The following SHANK2 variants were observed in gnomAD, a reference collection of about 807,000 sequenced individuals.
The protein encoded by SHANK2 is SH3 and multiple ankyrin repeat domains protein 2.
A neutral mutation model predicts 133.7 loss-of-function variants in SHANK2; 43 were observed. The observed-to-expected ratio is 0.32, with a 90% CI of 0.25 to 0.41. The LOEUF (loss-of-function observed/expected upper bound fraction) is 0.41. SHANK2 is among the 10% of genes least tolerant of loss of function. SHANK2 has a pLI of 1.00. For synonymous variants in SHANK2, 1,017 were observed against 952.8 expected (o/e 1.07, Z -1.24); for missense variants, 1,994 against 2,235.8 (o/e 0.89, Z 2.18).
At chr11:70,862,101 C>T (rs1423279602) in intron 11 of SHANK2, among the ~76,000 whole-genome samples, 1 of 152,162 alleles carries the variant, frequency 6.6e-6, no homozygotes, top group Non-Finnish European at 1.5e-5. Context: ...TGACACCTCT[C>T]CCCACGATGC....
chr11:70,946,965 C>G (rs906946647), intron 10 of SHANK2, among the ~76,000 whole-genome samples: 4 of 151,552 alleles, frequency 2.6e-5, no homozygotes, highest in Non-Finnish European at 4.4e-5. Flanking sequence ...GCTCACCCTC[C>G]CTCTCCACTA....
chr11:71,081,900 C>T (rs987128647), intron 8 of SHANK2, among the ~76,000 whole-genome samples: 11 of 152,192 alleles, frequency 7.2e-5, no homozygotes, highest in African/African-American at 2.4e-4. Context: ...GAAGGGCTCC[C>T]GTGCTCTGGT....
intron 17 of SHANK2, among the ~76,000 whole-genome samples, chr11:70,587,859 T>C (rs2060274908): frequency 6.6e-6 from 1 of 152,158 alleles, no homozygotes; most frequent in Non-Finnish European, 1.5e-5. Context: ...TGTGAGCCAC[T>C]GTGCCTGGCC....
chr11:71,149,183 C>T (rs547443519), intron 2 of SHANK2, among the ~76,000 whole-genome samples: 12 of 152,306 alleles, frequency 7.9e-5, no homozygotes, highest in African/African-American at 2.4e-4. Context: ...AAGGACAGTC[C>T]TGAGCTGAAG....
chr11:71,096,873 G>C (rs782364692), intron 6 of SHANK2, among the ~76,000 whole-genome samples: 23 of 152,282 alleles, frequency 1.5e-4, no homozygotes, highest in Non-Finnish European at 3.4e-4. Context: ...GTCTCAGAGA[G>C]AGCTGGTGGC....
At chr11:70,844,458 G>A (rs1324683348) in intron 11 of SHANK2, among the ~76,000 whole-genome samples, 1 of 152,120 alleles carries the variant, frequency 6.6e-6, no homozygotes, top group Non-Finnish European at 1.5e-5. Context: ...CACGTTTCTC[G>A]ACATAGCACA....
intron 17 of SHANK2, among the ~76,000 whole-genome samples, chr11:70,566,029 C>T (rs1224935954): frequency 6.6e-6 from 1 of 152,062 alleles, no homozygotes; most frequent in East Asian, 1.9e-4. Context: ...ACAATCATGG[C>T]AGAAGGGAAA....
At chr11:71,169,164 A>G (rs1407539131) in intron 2 of SHANK2, among the ~76,000 whole-genome samples, 2 of 152,204 alleles carry the variant, frequency 1.3e-5, no homozygotes, top group African/African-American at 2.4e-5. Context: ...GTTGGTTACA[A>G]TGATGTGGTC....
intron 2 of SHANK2, among the ~76,000 whole-genome samples, chr11:71,208,114 C>T (rs986037625): frequency 6.6e-6 from 1 of 152,158 alleles, no homozygotes; most frequent in Admixed American, 6.5e-5. Context: ...GTCCAGCGTC[C>T]CTGTACTTAA....
intron 11 of SHANK2, among the ~76,000 whole-genome samples, chr11:70,858,452 C>T (rs781818299): frequency 6.6e-6 from 1 of 152,166 alleles, no homozygotes; most frequent in African/African-American, 2.4e-5. Context: ...GACTGGAAAC[C>T]CAGGCATGAC....
At chr11:70,505,076 T>C (rs1229921218) in intron 17 of SHANK2, among the ~76,000 whole-genome samples, 1 of 152,002 alleles carries the variant, frequency 6.6e-6, no homozygotes, top group East Asian at 1.9e-4. Context: ...AGTGAACACA[T>C]AACTTCAGGT....
intron 9 of SHANK2, among the ~76,000 whole-genome samples, chr11:71,063,326 G>A (rs1444783773): frequency 1.3e-5 from 2 of 152,156 alleles, no homozygotes; most frequent in African/African-American, 4.8e-5. Context: ...GTCAAAAAGA[G>A]CTCAGGTTCC....
intron 1 of SHANK2, among the ~76,000 whole-genome samples, chr11:71,236,862 C>T (rs1304655186): frequency 6.6e-6 from 1 of 152,210 alleles, no homozygotes; most frequent in Non-Finnish European, 1.5e-5. Context: ...GACTCCATCT[C>T]AAAACAAACA....
intron 9 of SHANK2, among the ~76,000 whole-genome samples, chr11:71,058,988 G>C (rs1191588340): frequency 1.3e-5 from 2 of 152,230 alleles, no homozygotes; most frequent in African/African-American, 4.8e-5. Context: ...GCTGAGATGG[G>C]CGGATCACCT....
At chr11:71,176,473 C>A (rs1376218800) in intron 2 of SHANK2, among the ~76,000 whole-genome samples, 2 of 152,138 alleles carry the variant, frequency 1.3e-5, no homozygotes, top group Non-Finnish European at 2.9e-5. Context: ...GCATTCAAAT[C>A]ATATTAACTG....
At chr11:70,912,898 T>A (rs1184115557) in intron 10 of SHANK2, among the ~76,000 whole-genome samples, 2 of 152,130 alleles carry the variant, frequency 1.3e-5, no homozygotes, top group Admixed American at 6.6e-5. Context: ...ATGTGTCACA[T>A]CGGGGAACAA....
intron 9 of SHANK2, among the ~76,000 whole-genome samples, chr11:71,065,491 A>G (rs1481978963): frequency 3.9e-5 from 5 of 126,858 alleles, no homozygotes; most frequent in Admixed American, 3.4e-4. Flanking sequence ...CAGGGAGATG[A>G]GCAGTGAGTG....
chr11:71,145,775 C>T (rs1952631173), intron 3 of SHANK2, among the ~76,000 whole-genome samples: 1 of 147,978 alleles, frequency 6.8e-6, no homozygotes, highest in Non-Finnish European at 1.5e-5. Flanking sequence ...GGCCCCCCTT[C>T]CCCATCGTGG....
At chr11:70,702,394 C>A (rs1047237421) in intron 14 of SHANK2, among the ~76,000 whole-genome samples, 1 of 151,406 alleles carries the variant, frequency 6.6e-6, no homozygotes, top group Non-Finnish European at 1.5e-5. Context: ...ACCATCATCA[C>A]CACCATCCTC....
Sources: allele counts gnomAD v4.1 joint callset (sites outside exome capture counted in the v4.1 genomes callset), GRCh38; gene constraint gnomAD v4.1.1; transcripts MANE v1.5; gene names NCBI Gene and HGNC (gene_info 2026-07-23, HGNC 2026-07-21).